KCNH1: variants seen among roughly 807,000 people sequenced by gnomAD.
The protein encoded by KCNH1 is potassium voltage-gated channel subfamily H member 1, also known as voltage-gated delayed rectifier potassium channel KCNH1.
In KCNH1, 27 loss-of-function variants were observed where a neutral mutation model predicts 69.2. The ratio of observed to expected loss-of-function variants is 0.39; its 90% CI spans 0.29 to 0.54. KCNH1 has a LOEUF of 0.54. Ranked by LOEUF, KCNH1 falls within the 20% of genes least tolerant of loss-of-function variation. KCNH1 has a pLI of 0.68. For missense variants in KCNH1, 798 were observed against 1,261.6 expected, an observed-to-expected ratio of 0.63 and a Z score of 5.57; for synonymous variants, 456 against 487.7, an observed-to-expected ratio of 0.93 and a Z score of 0.86.
intron 7 of KCNH1, among the ~76,000 whole-genome samples, chr1:210,895,234 C>T: frequency 6.6e-6 from 1 of 150,700 alleles, no homozygotes; most frequent in East Asian, 1.9e-4. Context: ...ATCACAGTGT[C>T]TTTTAACACT....
At chr1:210,766,330 G>A (rs555513721) in intron 10 of KCNH1, among the ~76,000 whole-genome samples, 47 of 152,044 alleles carry the variant, frequency 3.1e-4, no homozygotes, top group African/African-American at 9.9e-4. Flanking sequence ...GTTTGAGACC[G>A]GCCTGGCCAA....
chr1:211,015,849 C>G (rs952339283), intron 6 of KCNH1, among the ~76,000 whole-genome samples: 7 of 152,194 alleles, frequency 4.6e-5, no homozygotes, highest in Admixed American at 1.3e-4. Context: ...CTCCCTCCAA[C>G]CACCAGAGTT....
At chr1:211,114,688 C>T (rs1002154490) in intron 1 of KCNH1, among the ~76,000 whole-genome samples, 7 of 152,142 alleles carry the variant, frequency 4.6e-5, no homozygotes, top group East Asian at 1.9e-4. Flanking sequence ...TAAAGTGACG[C>T]GACACAGAGT....
At position 210,774,040 on chromosome 1, in the gene KCNH1, TC is replaced by T. The variant is rs1683804917; in HGVS notation, c.2112+1307del. ...GTGCTTGGAGTACTGTGTGGAATTC[TC>T]ATGGTGGCAGTTCAGGGTGGGAAAG... On this transcript the variant is annotated intron_variant, in intron 10 of 10. Transcript: ENST00000271751. Among the ~76,000 whole-genome samples the T allele has an allele frequency of 2.0e-5, 3 of 152,258 alleles. No individual in the cohort carries two copies. In the South Asian group the frequency reaches 6.2e-4, roughly 32 times the overall value.
At chr1:210,781,556 T>A (rs1028811965) in intron 9 of KCNH1, among the ~76,000 whole-genome samples, 1 of 152,156 alleles carries the variant, frequency 6.6e-6, no homozygotes, top group Non-Finnish European at 1.5e-5. Context: ...AAACTCCTTA[T>A]AAGACAGATA....
rs770912292 is a variant in KCNH1, at chr1:211,019,159, G to C, written c.656C>G (p.Thr219Arg). ...IILHYCVFKT[T>R]WDWIILILTF... ...CAAGATCAAGATGATCCAATCCCAC[G>C]TGGTCTTAAAAACACAATAATGTAA... The change falls in exon 6 of 11, where the codon ACG becomes AGG. Residue 219 changes from threonine (T) to arginine (R), a missense_variant. Thr to Arg is a moderately conservative substitution (Grantham distance 71). Around this residue, in one of 4 missense-constraint regions of KCNH1, gnomAD observed 266 missense variants for 457.2 expected, o/e 0.58. Transcript: ENST00000271751. 1 of 1,613,876 alleles carries C rather than the reference G, an allele frequency of 6.2e-7. No homozygotes were observed. Among genetic ancestry groups the C allele is most frequent in the African/African-American group, 1.3e-5 (1 of 75,020 alleles).
chr1:211,088,676 C>T (rs1300986814), intron 4 of KCNH1, among the ~76,000 whole-genome samples: 1 of 152,196 alleles, frequency 6.6e-6, no homozygotes. Context: ...ATTCCTACAT[C>T]GAGGACTAAC....
intron 10 of KCNH1, among the ~76,000 whole-genome samples, chr1:210,709,722 AAGAG>A (rs71831798): frequency 0.18 from 18,362 of 99,894 alleles, 3,042 homozygotes; most frequent in African/African-American, 0.41. Flanking sequence ...AGAAAGAAAG[AAGAG>A]AGAGAGAGAG....
chr1:210,851,066 A>T (rs1242354613), intron 7 of KCNH1, among the ~76,000 whole-genome samples: 1 of 152,346 alleles, frequency 6.6e-6, no homozygotes, highest in African/African-American at 2.4e-5. Flanking sequence ...TCCTCAGAAG[A>T]CAAAGCCATG....
intron 10 of KCNH1, among the ~76,000 whole-genome samples, chr1:210,744,209 A>G (rs1309303958): frequency 6.6e-6 from 1 of 152,136 alleles, no homozygotes; most frequent in Non-Finnish European, 1.5e-5. Context: ...ATAATGAGGA[A>G]CCCATGTCTA....
chr1:210,791,672 G>A (rs866087379), intron 9 of KCNH1, among the ~76,000 whole-genome samples: 2 of 152,190 alleles, frequency 1.3e-5, no homozygotes, highest in Non-Finnish European at 2.9e-5. Context: ...AGGTACCCAC[G>A]TTACTTATTG....
At chr1:210,696,260 T>G (rs961329835) in intron 10 of KCNH1, among the ~76,000 whole-genome samples, 3 of 152,136 alleles carry the variant, frequency 2.0e-5, no homozygotes, top group African/African-American at 7.2e-5. Flanking sequence ...TCACCAAAGC[T>G]AGGGCCCCTC....
rs527601042 is a variant in KCNH1 at position 211,061,774 on chromosome 1, T to G, written c.558+21006A>C. On this transcript the variant is annotated intron_variant, in intron 5 of 10. Coordinates refer to ENST00000271751, the MANE Select transcript of KCNH1 (RefSeq NM_172362.3). ...TTTATCCAAACAAGTGAAATTTCTC[T>G]ACAATGAAAGCTACAAAACATTGAG... is the stretch of plus-strand genomic sequence containing the variant. 2.6e-5 allele frequency among the ~76,000 whole-genome samples: 4 copies of G among 152,192 alleles called. No individual in the cohort carries two copies. In the South Asian group the frequency reaches 8.3e-4, roughly 32 times the overall value.
chr1:210,737,480 C>A (rs1443775250), intron 10 of KCNH1, among the ~76,000 whole-genome samples: 1 of 152,144 alleles, frequency 6.6e-6, no homozygotes, highest in African/African-American at 2.4e-5. Flanking sequence ...AGACTCTGAC[C>A]TCTTCCCTTG....
chr1:210,839,511 T>C (rs764118672), intron 7 of KCNH1, among the ~76,000 whole-genome samples: 3 of 152,190 alleles, frequency 2.0e-5, no homozygotes, highest in Non-Finnish European at 4.4e-5. Flanking sequence ...GGATGATCTG[T>C]GCAGTATACC....
intron 9 of KCNH1, among the ~76,000 whole-genome samples, chr1:210,782,808 A>G (rs1684013618): frequency 6.6e-6 from 1 of 152,262 alleles, no homozygotes; most frequent in Admixed American, 6.5e-5. Flanking sequence ...GTGAGGACAC[A>G]GTAAGAAGGC....
At chr1:210,956,365 T>G (rs970303899) in intron 6 of KCNH1, among the ~76,000 whole-genome samples, 5 of 152,104 alleles carry the variant, frequency 3.3e-5, no homozygotes, top group African/African-American at 4.8e-5. Context: ...AAAATTCTCT[T>G]TTTTTGTTGT....
intron 7 of KCNH1, among the ~76,000 whole-genome samples, chr1:210,918,033 A>G (rs1687383174): frequency 6.6e-6 from 1 of 152,104 alleles, no homozygotes; most frequent in Non-Finnish European, 1.5e-5. Context: ...CCACAAATCA[A>G]TTACCCCCTT....
chr1:210,683,152 C>G lies in KCNH1; in HGVS notation c.*129G>C. The G allele has an allele frequency of 1.1e-6, 1 of 915,832 alleles. No homozygotes were observed. Among genetic ancestry groups the G allele is most frequent in the Non-Finnish European group, 1.7e-6 (1 of 600,824 alleles). 56.7% of individuals were successfully genotyped at this position (915,832 alleles called of 1,614,324 possible). ...ATAGAGAAAGAGCACGTCTAAGCCA[C>G]TGGCCCCACTTTTTCTGTTAGGAAA... On this transcript the variant is annotated 3_prime_UTR_variant, in exon 11 of 11. Transcript: ENST00000271751. This position sits in a 1 kb window ranked among gnomAD's most constrained non-coding sequence, Gnocchi z 5.7.
Sources: gnomAD v4.1 joint callset for allele counts (sites outside exome capture counted in the v4.1 genomes callset) on GRCh38, gnomAD v4.1.1 for gene constraint, gnomAD v4.1.1 regional missense constraint, Gnocchi (gnomAD v3.1) non-coding constraint, MANE v1.5 for transcripts, NCBI Gene and HGNC (gene_info 2026-07-23, HGNC 2026-07-21) for gene names.